Variants in GLIPR2 observed in about 807,000 individuals in gnomAD.
GLIPR2 encodes GLI pathogenesis related 2, also known as Golgi-associated plant pathogenesis-related protein 1.
GLIPR2 carries 21 observed loss-of-function variants against 20.4 expected under a neutral mutation model. That is an observed-to-expected ratio of 1.03 (90% CI 0.73 to 1.48). The LOEUF (loss-of-function observed/expected upper bound fraction) is 1.48, where lower values mean the gene tolerates loss of function less well. Ranked by LOEUF, GLIPR2 falls within the 40% of genes most tolerant of loss-of-function variation. The pLI, the probability that GLIPR2 is intolerant of heterozygous loss-of-function variation, is 0.00. For missense variants in GLIPR2, 205 were observed against 200.1 expected (o/e 1.02, Z -0.15); for synonymous variants, 91 against 80.5 (o/e 1.13, Z -0.70).
chr9:36,142,139 C>T (rs1011477368), intron 1 of GLIPR2, among the ~76,000 whole-genome samples: 1 of 152,182 alleles, frequency 6.6e-6, no homozygotes, highest in South Asian at 2.1e-4. Flanking sequence ...GAGAAGCCTT[C>T]GTTCTTCTCT....
At chr9:36,136,690 C>G (rs1308060573), upstream of GLIPR2, 1 of 985,584 alleles carries the variant, frequency 1.0e-6, no homozygotes, top group Non-Finnish European at 1.3e-6. This position sits in a 1 kb window ranked among gnomAD's most constrained non-coding sequence, Gnocchi z 4.3. Context: ...GCCGCGGCAT[C>G]AGCCCGGTCC....
chr9:36,141,494 C>T (rs1178452436), intron 1 of GLIPR2, among the ~76,000 whole-genome samples: 1 of 152,162 alleles, frequency 6.6e-6, no homozygotes, highest in East Asian at 1.9e-4. Context: ...TGCCCTGGGC[C>T]CTGACAGTCA....
At chr9:36,138,328 C>G (rs7865013) in intron 1 of GLIPR2, among the ~76,000 whole-genome samples, 59,271 of 151,668 alleles carry the variant, frequency 0.39, 12,592 homozygotes, top group African/African-American at 0.57. Context: ...AGGTTCAAGT[C>G]ATTCTCCTGC....
At position 36,162,851 on chromosome 9, in the gene GLIPR2, C is replaced by T. The variant is rs577123330; in HGVS notation, c.*329C>T. 8.4e-6 allele frequency: 4 copies of T among 476,636 alleles called. No individual in the cohort carries two copies. The highest frequency in any genetic ancestry group is 1.2e-4 in the East Asian group (2 of 16,534). 29.5% of individuals were successfully genotyped at this position (476,636 alleles called of 1,614,324 possible). ...ACTTTTCTTACTTCTAATATCCATCCCTGGACTTTTTGTATTCCAAATGTT... is the reference window on the plus strand; with the variant it reads ...ACTTTTCTTACTTCTAATATCCATCTCTGGACTTTTTGTATTCCAAATGTT... On this transcript the variant is annotated 3_prime_UTR_variant, in exon 5 of 5. Transcript: ENST00000377960.
intron 1 of GLIPR2, among the ~76,000 whole-genome samples, chr9:36,140,421 G>C (rs1037598436): frequency 2.0e-5 from 3 of 152,172 alleles, no homozygotes; most frequent in African/African-American, 7.2e-5. Context: ...TCCTTCAAAG[G>C]AAGGGTTTCC....
upstream of GLIPR2, chr9:36,136,717 G>T (rs934792984): frequency 3.5e-6 from 4 of 1,154,804 alleles, no homozygotes; most frequent in South Asian, 7.6e-5. The surrounding 1 kb of genome is among the most constrained non-coding windows in gnomAD (Gnocchi z 4.3). Context: ...CTGGGGCGGC[G>T]CTGGGCCGGG....
At chr9:36,160,160 A>G (rs1040437446) in intron 4 of GLIPR2, among the ~76,000 whole-genome samples, 2 of 151,976 alleles carry the variant, frequency 1.3e-5, no homozygotes, top group African/African-American at 4.8e-5. Flanking sequence ...ATTAGCTGGG[A>G]TTACAGGCAT....
intron 4 of GLIPR2, among the ~76,000 whole-genome samples, chr9:36,161,706 A>T (rs1826059931): frequency 6.6e-6 from 1 of 152,146 alleles, no homozygotes; most frequent in African/African-American, 2.4e-5. Context: ...TAAGATGAAG[A>T]CAAAAGGGGA....
intron 1 of GLIPR2, among the ~76,000 whole-genome samples, chr9:36,145,702 GATGGAGGATGTTGGATGGATGT>G (rs1353720901): frequency 4.9e-4 from 75 of 152,006 alleles, no homozygotes; most frequent in African/African-American, 1.7e-3. Context: ...TGGATGGATG[GATGGAGGATGTTGGATGGATGT>G]ATAGATGATG....
intron 1 of GLIPR2, among the ~76,000 whole-genome samples, chr9:36,143,570 C>T (rs1789053704): frequency 6.6e-6 from 1 of 152,230 alleles, no homozygotes; most frequent in Non-Finnish European, 1.5e-5. Flanking sequence ...CCCTTTCCCG[C>T]ACACTCACAC....
intron 1 of GLIPR2, among the ~76,000 whole-genome samples, chr9:36,141,557 A>T (rs566289517): frequency 3.7e-4 from 56 of 152,308 alleles, no homozygotes; most frequent in African/African-American, 1.3e-3. Flanking sequence ...GGCTGGGCTC[A>T]GGGAGGCCTC....
intron 4 of GLIPR2, among the ~76,000 whole-genome samples, chr9:36,161,988 C>T (rs1276231000): frequency 1.3e-5 from 2 of 152,118 alleles, no homozygotes; most frequent in African/African-American, 2.4e-5. Flanking sequence ...AGTTCGAGAC[C>T]ATGGTGAAAC....
rs138282141 is a variant in GLIPR2 at position 36,155,294 on chromosome 9, G to A, written c.304+4345G>A. Among the ~76,000 whole-genome samples the A allele has an allele frequency of 1.1e-3, 160 of 152,302 alleles. 1 individual carries two copies. The highest frequency in any genetic ancestry group is 3.6e-3 in the African/African-American group (148 of 41,566). ...AGACAAAGAAATAAATTATAGCTAAGTTTTAAAATGTTTTAAATGGCTGGG... is the reference window on the plus strand; with the variant it reads ...AGACAAAGAAATAAATTATAGCTAAATTTTAAAATGTTTTAAATGGCTGGG... On this transcript the variant is annotated intron_variant, in intron 4 of 4. Transcript: ENST00000377960.
In GLIPR2 at chr9:36,147,777, T is replaced by A; in HGVS notation, c.14-9T>A. The stretch of plus-strand genomic sequence containing the variant: ...CACTGAGCCATTCTCCATTTTGCAA[T>A]CATTCCAGCTTCCAAACAGTTTCAT... On this transcript the variant is annotated splice_polypyrimidine_tract_variant and intron_variant, in intron 1 of 4. Coordinates refer to ENST00000377960, the MANE Select transcript of GLIPR2 (RefSeq NM_022343.4). 7.8e-7 allele frequency: 1 copy of A among 1,282,764 alleles called. No homozygotes were observed. Among genetic ancestry groups the A allele is most frequent in the Non-Finnish European group, 1.1e-6 (1 of 877,474 alleles). 79.5% of individuals were successfully genotyped at this position (1,282,764 alleles called of 1,614,324 possible).
Position 36,163,695 on chromosome 9 carries a change from C to A in GLIPR2, c.*1173C>A, listed in dbSNP as rs754130652. On this transcript the variant is annotated 3_prime_UTR_variant, in exon 5 of 5. Transcript: ENST00000377960. ...GGGAGGGACCAACCCAGATGCCCTG[C>A]TGAGTGTCCCTGAAACCATGGCAGC... 9 of 152,692 alleles carry A rather than the reference C, an allele frequency of 5.9e-5. No homozygotes were observed. The highest frequency in any genetic ancestry group is 9.6e-5 in the African/African-American group (4 of 41,470). 9.5% of individuals were successfully genotyped at this position (152,692 alleles called of 1,614,324 possible).
At chr9:36,154,409 C>T (rs1307544062) in intron 4 of GLIPR2, among the ~76,000 whole-genome samples, 1 of 152,076 alleles carries the variant, frequency 6.6e-6, no homozygotes. Context: ...TTCCCTTTTC[C>T]GCACGCTGGT....
Position 36,155,827 on chromosome 9 carries a change from AC to A in GLIPR2, c.304+4879del, listed in dbSNP as rs550823128. ...GGTGGCTTATTCCTGTAACTCCAGT[AC>A]TTTGGGAGGCCAAGGCAAGAGGATC... On this transcript the variant is annotated intron_variant, in intron 4 of 4. Coordinates refer to ENST00000377960, the MANE Select transcript of GLIPR2 (RefSeq NM_022343.4). 1.1e-4 allele frequency among the ~76,000 whole-genome samples: 17 copies of A among 152,106 alleles called. 1 individual carries two copies. The South Asian group carries it at 3.5e-3, about 32-fold the overall frequency.
chr9:36,150,798 TG>T, intron 3 of GLIPR2, 73 bp from the exon 4 acceptor site: 3 of 1,077,126 alleles, frequency 2.8e-6, no homozygotes, highest in Non-Finnish European at 4.2e-6. Context: ...TTGGGGCTGA[TG>T]GGAGAAAATG....
At chr9:36,148,032 G>A in intron 2 of GLIPR2, 138 bp downstream of exon 2, 1 of 680,406 alleles carries the variant, frequency 1.5e-6, no homozygotes, top group Non-Finnish European at 2.7e-6. Context: ...CGGATCACCT[G>A]AGGTCAGGAG....
Sources: gnomAD v4.1 joint callset for allele counts (sites outside exome capture counted in the v4.1 genomes callset) on GRCh38, gnomAD v4.1.1 for gene constraint, Gnocchi (gnomAD v3.1) non-coding constraint, MANE v1.5 for transcripts, NCBI Gene and HGNC (gene_info 2026-07-23, HGNC 2026-07-21) for gene names.